Variants in TDRD7 observed in about 807,000 individuals in gnomAD.
The protein encoded by TDRD7 is tudor domain containing 7.
A neutral mutation model predicts 109.8 loss-of-function variants in TDRD7; 47 were observed. The observed-to-expected ratio is 0.43, with a 90% CI of 0.34 to 0.55. TDRD7 has a LOEUF of 0.55. TDRD7 is among the 20% of genes least tolerant of loss of function. The probability of loss-of-function intolerance (pLI) is 0.03; values close to 1 mark genes in which losing one functional copy is unlikely to be tolerated. For synonymous variants in TDRD7, 424 were observed against 457.3 expected (o/e 0.93, Z 0.93); for missense variants, 1,164 against 1,319.2 (o/e 0.88, Z 1.82).
chr9:97,485,249 C>G (rs1031739251), intron 15 of TDRD7, among the ~76,000 whole-genome samples: 2 of 152,202 alleles, frequency 1.3e-5, no homozygotes, highest in African/African-American at 4.8e-5. Flanking sequence ...AATGCAGATT[C>G]TTCTTCCTTA....
At chr9:97,446,013 T>A (rs1406024311) in intron 6 of TDRD7, among the ~76,000 whole-genome samples, 1 of 152,134 alleles carries the variant, frequency 6.6e-6, no homozygotes, top group African/African-American at 2.4e-5. Context: ...ATGCTTGTAG[T>A]TCCATCTGCT....
intron 16 of TDRD7, among the ~76,000 whole-genome samples, chr9:97,494,712 ATT>A (rs796852536): frequency 0.18 from 12,846 of 72,968 alleles, 730 homozygotes; most frequent in African/African-American, 0.26. Context: ...ATATATATAT[ATT>A]TTTTTTTTTT....
chr9:97,472,507 A>T lies in TDRD7; in HGVS notation c.1944+12A>T. 6.2e-7 allele frequency: 1 copy of T among 1,606,604 alleles called. No individual in the cohort carries two copies. Among genetic ancestry groups the T allele is most frequent in the Non-Finnish European group, 8.5e-7 (1 of 1,173,440 alleles). ...AGGTTCACCTGCAGGTACCACTGTG[A>T]TCACTGTTGTTGCTTGTTACACATT... On this transcript the variant is annotated intron_variant, in intron 10 of 16. Transcript: ENST00000355295.
intron 9 of TDRD7, among the ~76,000 whole-genome samples, chr9:97,471,856 T>A (rs1564210291): frequency 6.6e-6 from 1 of 152,202 alleles, no homozygotes; most frequent in Non-Finnish European, 1.5e-5. Context: ...CAATAGTGGT[T>A]GTCTCAATTT....
Position 97,425,110 on chromosome 9 carries a change from C to A in TDRD7, c.-6-3350C>A, listed in dbSNP as rs1007820995. On this transcript the variant is annotated intron_variant, in intron 1 of 16. Coordinates refer to ENST00000355295, the MANE Select transcript of TDRD7 (RefSeq NM_014290.3). ...ATTTTACTTTTACATATATTATGTA[C>A]CCCACATGAGGGAATTTTTTTGGAT... Among the ~76,000 whole-genome samples the A allele has an allele frequency of 6.6e-5, 10 of 152,120 alleles. No individual in the cohort carries two copies. In the South Asian group the frequency reaches 2.1e-3, roughly 32 times the overall value.
chr9:97,420,622 A>G (rs927042769), intron 1 of TDRD7, among the ~76,000 whole-genome samples: 4 of 152,094 alleles, frequency 2.6e-5, no homozygotes, highest in Non-Finnish European at 4.4e-5. Flanking sequence ...GTTCCTTTCT[A>G]TTACTGAATA....
chr9:97,427,894 AT>A (rs1038557683), intron 1 of TDRD7, among the ~76,000 whole-genome samples: 22 of 152,058 alleles, frequency 1.4e-4, no homozygotes, highest in Middle Eastern at 6.8e-3. Context: ...AGAGCTGATC[AT>A]TTTTTTCCCC....
In TDRD7 at chr9:97,417,419, T is replaced by C. The variant is rs374708162; in HGVS notation, c.-7+5181T>C. Among the ~76,000 whole-genome samples the C allele has an allele frequency of 5.9e-5, 9 of 152,030 alleles. No homozygotes were observed. The East Asian group carries it at 1.5e-3, about 26-fold the overall frequency. ...GGAGAACAGATTCTAGGAGGTGAAGTGGAAGCAGAGAGACCAGCTAAGAGC... is the reference window on the plus strand; with the variant it reads ...GGAGAACAGATTCTAGGAGGTGAAGCGGAAGCAGAGAGACCAGCTAAGAGC... On this transcript the variant is annotated intron_variant, in intron 1 of 16. Coordinates refer to ENST00000355295, the MANE Select transcript of TDRD7 (RefSeq NM_014290.3).
intron 16 of TDRD7, among the ~76,000 whole-genome samples, chr9:97,492,239 C>T (rs1564218843): frequency 1.3e-5 from 2 of 152,146 alleles, no homozygotes. Context: ...CATGCCAGAT[C>T]GGTAGGCAGA....
chr9:97,470,194 T>C (rs111484479), intron 8 of TDRD7, among the ~76,000 whole-genome samples: 15 of 152,238 alleles, frequency 9.9e-5, no homozygotes, highest in African/African-American at 3.4e-4. Context: ...TAAGCTGATA[T>C]AGGCATTATG....
chr9:97,418,305 G>A (rs936606067), intron 1 of TDRD7, among the ~76,000 whole-genome samples: 3 of 152,142 alleles, frequency 2.0e-5, no homozygotes, highest in South Asian at 2.1e-4. Flanking sequence ...CTTCTGTGCC[G>A]TGCAGATTCA....
intron 12 of TDRD7, among the ~76,000 whole-genome samples, chr9:97,476,762 A>G (rs1328646012): frequency 1.3e-5 from 2 of 152,134 alleles, no homozygotes; most frequent in Non-Finnish European, 2.9e-5. Context: ...AAAAGTATGC[A>G]TAATTTTGTA....
At chr9:97,465,620 G>T (rs914436532) in intron 8 of TDRD7, among the ~76,000 whole-genome samples, 5 of 152,190 alleles carry the variant, frequency 3.3e-5, no homozygotes, top group South Asian at 2.1e-4. Context: ...CAGTTTCCCT[G>T]AGAGCGGTAG....
At chr9:97,454,966 A>G (rs992664840) in intron 6 of TDRD7, among the ~76,000 whole-genome samples, 1 of 152,208 alleles carries the variant, frequency 6.6e-6, no homozygotes, top group African/African-American at 2.4e-5. Flanking sequence ...AGAATCAGAT[A>G]GACACAATAA....
At chr9:97,475,275 T>C in intron 11 of TDRD7, 108 bp from the exon 12 acceptor site, 1 of 841,278 alleles carries the variant, frequency 1.2e-6, no homozygotes, top group Non-Finnish European at 2.0e-6. Context: ...GAAGTCTGAC[T>C]ACATGTCGGT....
At chr9:97,423,905 CATTTT>C (rs1260207429) in intron 1 of TDRD7, among the ~76,000 whole-genome samples, 1 of 152,024 alleles carries the variant, frequency 6.6e-6, no homozygotes, top group Non-Finnish European at 1.5e-5. Flanking sequence ...GTTTGAATAT[CATTTT>C]AAGTCCAAGA....
At chr9:97,476,129 G>C (rs1425110030) in intron 12 of TDRD7, among the ~76,000 whole-genome samples, 2 of 152,114 alleles carry the variant, frequency 1.3e-5, no homozygotes, top group Non-Finnish European at 2.9e-5. Flanking sequence ...ACTAGATCTT[G>C]CTTAATTGCT....
chr9:97,477,585 T>C (rs1183884650), intron 12 of TDRD7, among the ~76,000 whole-genome samples: 1 of 152,190 alleles, frequency 6.6e-6, no homozygotes, highest in Non-Finnish European at 1.5e-5. Flanking sequence ...AATTGTATAT[T>C]GTCTACCTTC....
chr9:97,440,558 C>T (rs117706505), intron 5 of TDRD7, among the ~76,000 whole-genome samples: 8 of 152,154 alleles, frequency 5.3e-5, no homozygotes, highest in African/African-American at 1.9e-4. Flanking sequence ...TATCCTGGAG[C>T]CTTCTCTTCT....
Sources: allele counts gnomAD v4.1 joint callset (sites outside exome capture counted in the v4.1 genomes callset), GRCh38; gene constraint gnomAD v4.1.1; transcripts MANE v1.5; gene names NCBI Gene and HGNC (gene_info 2026-07-23, HGNC 2026-07-21).